Variants in CLTCL1 observed in about 807,000 individuals in gnomAD.
CLTCL1 encodes clathrin heavy chain like 1.
A neutral mutation model predicts 190.0 loss-of-function variants in CLTCL1; 159 were observed. The observed-to-expected ratio is 0.84, with a 90% confidence interval of 0.74 to 0.95. The LOEUF (loss-of-function observed/expected upper bound fraction) is 0.95. CLTCL1 is among the 40% of genes least tolerant of loss of function. The probability of loss-of-function intolerance (pLI) is 0.00; values close to 1 mark genes in which losing one functional copy is unlikely to be tolerated. For synonymous variants in CLTCL1, 752 were observed against 769.6 expected (o/e 0.98, Z 0.38); for missense variants, 1,878 against 2,033.4 (o/e 0.92, Z 1.47).
At chr22:19,196,712 C>A (rs1555936115) in intron 24 of CLTCL1, 56 bp from the exon 25 acceptor site, 1 of 1,560,902 alleles carries the variant, frequency 6.4e-7, no homozygotes. Flanking sequence ...CCTGCAGCCA[C>A]CCTCCAGCCC....
At chr22:19,270,284 A>G (rs1176901202) in intron 2 of CLTCL1, among the ~76,000 whole-genome samples, 2 of 152,204 alleles carry the variant, frequency 1.3e-5, no homozygotes, top group Non-Finnish European at 2.9e-5. Flanking sequence ...TGAGGAAGAA[A>G]GCAGATGAGT....
intron 6 of CLTCL1, 38 bp from the exon 7 acceptor site, chr22:19,234,744 A>G (rs201741733): frequency 6.5e-7 from 1 of 1,550,266 alleles, no homozygotes; most frequent in East Asian, 2.2e-5. Context: ...CCCGGCCTAG[A>G]AGAGTGCTCC....
chr22:19,234,020 T>G (rs1443268518), intron 7 of CLTCL1, among the ~76,000 whole-genome samples: 2 of 152,144 alleles, frequency 1.3e-5, no homozygotes, highest in African/African-American at 4.8e-5. Flanking sequence ...ACAAGCAACT[T>G]GAAAGTCTTT....
At chr22:19,277,668 T>C (rs1555984190) in intron 1 of CLTCL1, among the ~76,000 whole-genome samples, 1 of 152,204 alleles carries the variant, frequency 6.6e-6, no homozygotes, top group Admixed American at 6.5e-5. Context: ...TAGGAGTGGT[T>C]TATTAAGCAT....
chr22:19,235,981 A>T, intron 5 of CLTCL1, 112 bp from the exon 6 acceptor site: 1 of 1,017,442 alleles, frequency 9.8e-7, no homozygotes, highest in Non-Finnish European at 1.4e-6. Context: ...GTTTTTTGAG[A>T]TAGGGTCGTG....
intron 2 of CLTCL1, among the ~76,000 whole-genome samples, chr22:19,265,195 A>C (rs893490871): frequency 6.6e-6 from 1 of 152,246 alleles, no homozygotes; most frequent in African/African-American, 2.4e-5. Flanking sequence ...ACTTAAGTTT[A>C]AACTATATAA....
At chr22:19,277,922 A>G (rs1384767995) in intron 1 of CLTCL1, among the ~76,000 whole-genome samples, 1 of 152,212 alleles carries the variant, frequency 6.6e-6, no homozygotes, top group African/African-American at 2.4e-5. Flanking sequence ...CTGACCATCC[A>G]GCTATAAAGC....
intron 2 of CLTCL1, among the ~76,000 whole-genome samples, chr22:19,263,245 C>T (rs2087010273): frequency 6.7e-6 from 1 of 149,014 alleles, no homozygotes; most frequent in Non-Finnish European, 1.5e-5. Flanking sequence ...CAGGCGTGCA[C>T]CACCACACCC....
chr22:19,277,267 A>G (rs1169970781), intron 1 of CLTCL1, among the ~76,000 whole-genome samples: 1 of 152,192 alleles, frequency 6.6e-6, no homozygotes, highest in Non-Finnish European at 1.5e-5. Flanking sequence ...ACCTCATCTC[A>G]TCTTCCTGTT....
chr22:19,266,128 T>C (rs2087117539), intron 2 of CLTCL1, among the ~76,000 whole-genome samples: 1 of 152,082 alleles, frequency 6.6e-6, no homozygotes, highest in Non-Finnish European at 1.5e-5. Flanking sequence ...AGTGATCCTG[T>C]CACTTCAGAC....
At chr22:19,249,040 T>A (rs2146022022) in intron 3 of CLTCL1, among the ~76,000 whole-genome samples, 1 of 152,312 alleles carries the variant, frequency 6.6e-6, no homozygotes, top group South Asian at 2.1e-4. Flanking sequence ...AAAAATCAAT[T>A]GACCACAAGG....
rs782652182 is a variant in CLTCL1 at position 19,188,110 on chromosome 22, C to T, written c.4324-19G>A. ...GACCTGCCTGACAAGTTGAGGGAAC[C>T]GTCAAGGCACTTGGCCAAGCTTGTT... On this transcript the variant is annotated intron_variant, in intron 27 of 32. Coordinates refer to ENST00000427926, the MANE Select transcript of CLTCL1 (RefSeq NM_007098.4). 154 of 1,611,680 alleles carry T rather than the reference C, an allele frequency of 9.6e-5. 1 individual carries two copies. The Admixed American group carries it at 1.9e-3, about 20-fold the overall frequency.
intron 27 of CLTCL1, 22 bp downstream of exon 27, chr22:19,191,282 C>T (rs1378389711): frequency 6.2e-7 from 1 of 1,613,726 alleles, no homozygotes; most frequent in Non-Finnish European, 8.5e-7. Context: ...CACTCTTCTA[C>T]CTGGGGTTTT....
intron 19 of CLTCL1, among the ~76,000 whole-genome samples, chr22:19,211,746 G>T (rs552337013): frequency 7.7e-6 from 1 of 129,620 alleles, no homozygotes; most frequent in African/African-American, 2.9e-5. Flanking sequence ...CAGCCTGGGC[G>T]ACAGAGCAAG....
intron 1 of CLTCL1, among the ~76,000 whole-genome samples, chr22:19,285,162 C>T (rs1182759662): frequency 6.6e-6 from 1 of 151,210 alleles, no homozygotes; most frequent in Non-Finnish European, 1.5e-5. Flanking sequence ...GTAGTCCCAG[C>T]TACTCGGGAG....
chr22:19,180,315 A>G, intron 31 of CLTCL1, 77 bp from the exon 32 acceptor site: 1 of 1,435,866 alleles, frequency 7.0e-7, no homozygotes, highest in South Asian at 1.2e-5. Context: ...CGTGCTGCAC[A>G]CTCACACCAC....
chr22:19,258,946 G>T, intron 2 of CLTCL1: 1 of 353,056 alleles, frequency 2.8e-6, no homozygotes, highest in East Asian at 5.6e-5. Flanking sequence ...ATCTTGCAAT[G>T]ATTTTTTTGG....
intron 19 of CLTCL1, among the ~76,000 whole-genome samples, chr22:19,215,270 AAC>A (rs1462416013): frequency 6.6e-6 from 1 of 152,188 alleles, no homozygotes; most frequent in Non-Finnish European, 1.5e-5. Flanking sequence ...CAAGTTTAAA[AAC>A]ACACACACAA....
chr22:19,212,695 A>C (rs2085273246), intron 19 of CLTCL1, among the ~76,000 whole-genome samples: 1 of 152,218 alleles, frequency 6.6e-6, no homozygotes, highest in African/African-American at 2.4e-5. Flanking sequence ...AAGGTGGAAG[A>C]ATTACACTAT....
Sources: allele counts gnomAD v4.1 joint callset (sites outside exome capture counted in the v4.1 genomes callset), GRCh38; gene constraint gnomAD v4.1.1; transcripts MANE v1.5; gene names NCBI Gene and HGNC (gene_info 2026-07-23, HGNC 2026-07-21).